The following IFT56 variants were observed in gnomAD, a reference collection of about 807,000 sequenced individuals.
IFT56 encodes intraflagellar transport protein 56.
the IFT56 span, among the ~76,000 whole-genome samples, chr7:139,154,319 G>A: frequency 2.0e-5 from 3 of 148,728 alleles, no homozygotes; most frequent in South Asian, 2.1e-4. Context: ...TTTGAAGCAC[G>A]AAAGTTTTTA....
At chr7:139,160,550 C>T in the IFT56 span, among the ~76,000 whole-genome samples, 1 of 151,992 alleles carries the variant, frequency 6.6e-6, no homozygotes, top group Non-Finnish European at 1.5e-5. Flanking sequence ...CTGCCTCAGC[C>T]TCCTGAGTTG....
At chr7:139,151,162 A>T in the IFT56 span, among the ~76,000 whole-genome samples, 2 of 152,228 alleles carry the variant, frequency 1.3e-5, no homozygotes, top group African/African-American at 4.8e-5. Flanking sequence ...GTAGAAATGA[A>T]GACTGAGAAA....
chr7:139,157,207 C>T, the IFT56 span, among the ~76,000 whole-genome samples: 3 of 121,796 alleles, frequency 2.5e-5, no homozygotes, highest in Non-Finnish European at 3.2e-5. Flanking sequence ...AGTGCAGTGG[C>T]GTGATCTTGC....
the IFT56 span, among the ~76,000 whole-genome samples, chr7:139,154,131 T>A: frequency 6.6e-6 from 1 of 152,208 alleles, no homozygotes; most frequent in Non-Finnish European, 1.5e-5. Flanking sequence ...TTTGCATATC[T>A]TTTTTGTAGA....
the IFT56 span, chr7:139,178,595 A>C: frequency 6.2e-7 from 1 of 1,613,916 alleles, no homozygotes; most frequent in South Asian, 1.1e-5. Flanking sequence ...GTGAGGGCGA[A>C]GAGGTGGGTA....
chr7:139,141,471 T>C, the IFT56 span, among the ~76,000 whole-genome samples: 1 of 152,206 alleles, frequency 6.6e-6, no homozygotes, highest in African/African-American at 2.4e-5. Flanking sequence ...TCATAGGTAC[T>C]AATGTAGTTT....
the IFT56 span, among the ~76,000 whole-genome samples, chr7:139,145,511 G>C: frequency 6.6e-6 from 1 of 151,852 alleles, no homozygotes; most frequent in Admixed American, 6.6e-5. Flanking sequence ...TGTAACCTCT[G>C]CCTCCCAGGC....
the IFT56 span, among the ~76,000 whole-genome samples, chr7:139,184,636 C>T: frequency 6.2e-3 from 944 of 152,270 alleles, 18 homozygotes; most frequent in African/African-American, 0.022. Flanking sequence ...TGGTCAGGCA[C>T]GGTGGCTTAT....
At chr7:139,178,950 A>G in the IFT56 span, among the ~76,000 whole-genome samples, 2 of 152,214 alleles carry the variant, frequency 1.3e-5, no homozygotes, top group African/African-American at 4.8e-5. Context: ...ACCATATTAA[A>G]ATTTTCCCTT....
At chr7:139,163,690 G>C in the IFT56 span, among the ~76,000 whole-genome samples, 2 of 152,234 alleles carry the variant, frequency 1.3e-5, no homozygotes, top group South Asian at 4.1e-4. Context: ...CCCCTTGTGT[G>C]TGTTTAAAGT....
the IFT56 span, among the ~76,000 whole-genome samples, chr7:139,177,763 A>T: frequency 4.6e-5 from 7 of 152,216 alleles, no homozygotes; most frequent in African/African-American, 1.7e-4. Flanking sequence ...CCACTCAAAT[A>T]GGAATCCAGT....
the IFT56 span, chr7:139,169,246 A>G: frequency 1.3e-6 from 2 of 1,524,506 alleles, no homozygotes; most frequent in Non-Finnish European, 1.8e-6. Flanking sequence ...AAAATAAAAT[A>G]TTTTTACCTT....
chr7:139,177,763 A>G, the IFT56 span, among the ~76,000 whole-genome samples: 1 of 152,098 alleles, frequency 6.6e-6, no homozygotes, highest in Admixed American at 6.5e-5. Flanking sequence ...CCACTCAAAT[A>G]GGAATCCAGT....
the IFT56 span, among the ~76,000 whole-genome samples, chr7:139,176,104 C>T: frequency 6.6e-6 from 1 of 151,948 alleles, no homozygotes; most frequent in African/African-American, 2.4e-5. Flanking sequence ...CAGGCATGAG[C>T]CACCGCACCC....
chr7:139,169,843 T>G, the IFT56 span, among the ~76,000 whole-genome samples: 1 of 151,976 alleles, frequency 6.6e-6, no homozygotes, highest in Admixed American at 6.6e-5. Flanking sequence ...AGACCCCATC[T>G]CTATAAGTAA....
chr7:139,135,292 A>AC, the IFT56 span, among the ~76,000 whole-genome samples: 3 of 148,410 alleles, frequency 2.0e-5, no homozygotes, highest in Non-Finnish European at 4.4e-5. Context: ...AAAAAAAAAA[A>AC]AAAAAACAAA....
the IFT56 span, chr7:139,179,707 G>A: frequency 7.6e-7 from 1 of 1,314,404 alleles, no homozygotes; most frequent in Non-Finnish European, 1.1e-6. Context: ...TGCATAATCT[G>A]TTCGGAAATG....
chr7:139,169,456 A>G, the IFT56 span: 1 of 1,040,094 alleles, frequency 9.6e-7, no homozygotes, highest in Non-Finnish European at 1.5e-6. Flanking sequence ...ATTAGGCTTC[A>G]CATTATAAAG....
At chr7:139,156,385 TTC>T in the IFT56 span, among the ~76,000 whole-genome samples, 1 of 133,906 alleles carries the variant, frequency 7.5e-6, no homozygotes, top group Admixed American at 7.4e-5. Context: ...ATGTTTAGTT[TTC>T]TCTTTTTTTT....
Sources: allele counts gnomAD v4.1 joint callset (sites outside exome capture counted in the v4.1 genomes callset), GRCh38; gene constraint gnomAD v4.1.1; transcripts MANE v1.5; gene names NCBI Gene and HGNC (gene_info 2026-07-23, HGNC 2026-07-21).